The following CDH13 variants were observed in gnomAD, a reference collection of about 807,000 sequenced individuals.
CDH13 encodes cadherin 13.
A neutral mutation model predicts 63.8 loss-of-function variants in CDH13; 24 were observed. The ratio of observed to expected loss-of-function variants is 0.38; its 90% CI spans 0.27 to 0.53. The LOEUF (loss-of-function observed/expected upper bound fraction) is 0.53. Ranked by LOEUF, CDH13 falls within the 20% of genes least tolerant of loss-of-function variation. CDH13 has a pLI of 0.85. For synonymous variants in CDH13, 503 were observed against 355.3 expected (o/e 1.42, Z -4.67); for missense variants, 1,049 against 903.1 (o/e 1.16, Z -2.07).
chr16:83,650,156 C>T (rs568562316), intron 8 of CDH13, among the ~76,000 whole-genome samples: 1 of 152,228 alleles, frequency 6.6e-6, no homozygotes, highest in African/African-American at 2.4e-5. Flanking sequence ...GCACCTGCAT[C>T]CACTTGGCAC....
chr16:82,723,597 A>C lies in CDH13; in HGVS notation c.45+96460A>C, dbSNP rs2038181296. On this transcript the variant is annotated intron_variant, in intron 1 of 13. Transcript: ENST00000567109. The stretch of plus-strand genomic sequence containing the variant: ...GGGGGACAGTGGAGCCACAAGATGG[A>C]AAGAGGAGTCTAGGTTCCTAAATGA... Among the ~76,000 whole-genome samples, 7 of 152,290 alleles carry C rather than the reference A, an allele frequency of 4.6e-5. 1 individual carries two copies. The South Asian group carries it at 1.5e-3, about 32-fold the overall frequency.
chr16:83,444,895 C>T (rs924473024), intron 6 of CDH13, among the ~76,000 whole-genome samples: 3 of 658 alleles, frequency 4.6e-3, no homozygotes, highest in Non-Finnish European at 8.1e-3. Context: ...GGGGAGTTCA[C>T]GGAAGACTCC....
intron 6 of CDH13, among the ~76,000 whole-genome samples, chr16:83,373,857 G>C (rs1212834001): frequency 1.3e-5 from 2 of 152,162 alleles, no homozygotes; most frequent in African/African-American, 4.8e-5. Context: ...GTCCCATAGA[G>C]AGCCTCGTGG....
chr16:82,982,420 G>C (rs1022723834), intron 2 of CDH13, among the ~76,000 whole-genome samples: 1 of 152,012 alleles, frequency 6.6e-6, no homozygotes, highest in African/African-American at 2.4e-5. Flanking sequence ...TACATTTCTG[G>C]AGCTCCGAAG....
chr16:82,859,293 C>G (rs995530944), intron 2 of CDH13: 2 of 152,254 alleles, frequency 1.3e-5, no homozygotes, highest in East Asian at 3.9e-4. Flanking sequence ...TGTGATGGCT[C>G]ATGCCTGTAA....
At chr16:83,342,014 C>CACACAT (rs2090736252) in intron 5 of CDH13, among the ~76,000 whole-genome samples, 1 of 151,786 alleles carries the variant, frequency 6.6e-6, no homozygotes, top group African/African-American at 2.4e-5. Context: ...CACACACACA[C>CACACAT]ACACACACAC....
At chr16:82,786,249 G>T in intron 1 of CDH13, among the ~76,000 whole-genome samples, 1 of 152,078 alleles carries the variant, frequency 6.6e-6, no homozygotes. Flanking sequence ...AAGAAATTTA[G>T]AAGTCATATC....
chr16:83,559,309 C>T (rs924300888), intron 7 of CDH13, among the ~76,000 whole-genome samples: 1 of 152,156 alleles, frequency 6.6e-6, no homozygotes, highest in African/African-American at 2.4e-5. Flanking sequence ...TGGTGGTTCA[C>T]ACCTGTAATC....
chr16:83,292,582 T>C (rs1351245355), intron 5 of CDH13, among the ~76,000 whole-genome samples: 1 of 152,130 alleles, frequency 6.6e-6, no homozygotes, highest in Non-Finnish European at 1.5e-5. Context: ...AATCAAGCGG[T>C]AGGAGCTATA....
chr16:83,065,997 C>T (rs183935087), intron 3 of CDH13, among the ~76,000 whole-genome samples: 4 of 152,310 alleles, frequency 2.6e-5, no homozygotes, highest in Admixed American at 2.0e-4. Context: ...ACCTTCACTC[C>T]TGTGTGTTAC....
At chr16:83,250,117 A>C (rs1053735015) in intron 5 of CDH13, among the ~76,000 whole-genome samples, 2 of 152,148 alleles carry the variant, frequency 1.3e-5, no homozygotes, top group African/African-American at 4.8e-5. Context: ...GAGCAACAGT[A>C]ATTGTGAATT....
intron 1 of CDH13, among the ~76,000 whole-genome samples, chr16:82,787,702 G>A (rs530183569): frequency 6.6e-6 from 1 of 152,312 alleles, no homozygotes; most frequent in African/African-American, 2.4e-5. Flanking sequence ...CAACCAGTGG[G>A]AAAAGGCTGG....
intron 2 of CDH13, among the ~76,000 whole-genome samples, chr16:82,963,564 C>A (rs1028754708): frequency 6.6e-6 from 1 of 152,120 alleles, no homozygotes; most frequent in Non-Finnish European, 1.5e-5. Context: ...AGTCTGTCTT[C>A]CCCTTATATA....
chr16:82,672,999 C>CTTTTTCTTTT (rs1555531928), intron 1 of CDH13, among the ~76,000 whole-genome samples: 2 of 81,270 alleles, frequency 2.5e-5, no homozygotes, highest in African/African-American at 1.1e-4. Context: ...ATAAAGTTTT[C>CTTTTTCTTTT]TTTTTTTTTT....
Position 83,156,297 on chromosome 16 carries a change from G to A in CDH13, c.483+30796G>A, listed in dbSNP as rs75346723. 3.8e-3 allele frequency among the ~76,000 whole-genome samples: 574 copies of A among 152,278 alleles called. 3 individuals carry two copies. The highest frequency in any genetic ancestry group is 0.013 in the African/African-American group (555 of 41,556). ...GGCCACTGGTTCTTTAAAAGCATGC[G>A]TATTAATGGATTCTATCTGATGATG... On this transcript the variant is annotated intron_variant, in intron 4 of 13. Transcript: ENST00000567109.
At chr16:83,770,471 AAG>A (rs1402170853) in intron 11 of CDH13, among the ~76,000 whole-genome samples, 1 of 152,200 alleles carries the variant, frequency 6.6e-6, no homozygotes. Flanking sequence ...TCCAGACTCC[AAG>A]AGAGAGTTCT....
In CDH13 at chr16:83,060,674, C is replaced by G. The variant is rs191181973; in HGVS notation, c.366+28456C>G. Among the ~76,000 whole-genome samples the G allele has an allele frequency of 8.5e-4, 129 of 152,348 alleles. 1 individual carries two copies. The highest frequency in any genetic ancestry group is 2.8e-3 in the African/African-American group (115 of 41,582). On this transcript the variant is annotated intron_variant, in intron 3 of 13. Coordinates refer to ENST00000567109, the MANE Select transcript of CDH13 (RefSeq NM_001257.5). ...AGAGCCTGCATGCCTAACCGCAGTGCAATGCTATCCTCACCTCACTGTGCA... is the reference window on the plus strand; with the variant it reads ...AGAGCCTGCATGCCTAACCGCAGTGGAATGCTATCCTCACCTCACTGTGCA...
chr16:83,111,112 C>T (rs1164961680), intron 3 of CDH13, among the ~76,000 whole-genome samples: 1 of 151,046 alleles, frequency 6.6e-6, no homozygotes, highest in Non-Finnish European at 1.5e-5. Context: ...GCGGAGCTTG[C>T]AGTGAGCCGA....
At chr16:83,345,815 G>A (rs1233617100) in intron 6 of CDH13, among the ~76,000 whole-genome samples, 2 of 152,236 alleles carry the variant, frequency 1.3e-5, no homozygotes, top group East Asian at 3.9e-4. Context: ...ACCATATTAA[G>A]AGTATCATAT....
Sources: allele counts gnomAD v4.1 joint callset (sites outside exome capture counted in the v4.1 genomes callset), GRCh38; gene constraint gnomAD v4.1.1; transcripts MANE v1.5; gene names NCBI Gene and HGNC (gene_info 2026-07-23, HGNC 2026-07-21).